The following PHF24 variants were observed in gnomAD, a reference collection of about 807,000 sequenced individuals.
The protein encoded by PHF24 is Galpha inhibitory interacting protein.
A neutral mutation model predicts 42.6 loss-of-function variants in PHF24; 25 were observed. That is an observed-to-expected ratio of 0.59 (90% confidence interval 0.43 to 0.82). The LOEUF (loss-of-function observed/expected upper bound fraction) is 0.82, where lower values mean the gene tolerates loss of function less well. Ranked by LOEUF, PHF24 falls within the 40% of genes least tolerant of loss-of-function variation. The pLI is 0.00. For missense variants in PHF24, 470 were observed against 538.1 expected (o/e 0.87, Z 1.25); for synonymous variants, 185 against 204.8 (o/e 0.90, Z 0.83).
the PHF24 span, chr9:34,729,611 G>T: frequency 9.2e-5 from 54 of 584,442 alleles, no homozygotes; most frequent in Middle Eastern, 4.6e-3. Context: ...AAGCTCATGT[G>T]GTGATTCAGT....
At chr9:34,856,127 A>G in the PHF24 span, among the ~76,000 whole-genome samples, 3 of 152,190 alleles carry the variant, frequency 2.0e-5, no homozygotes, top group Admixed American at 6.5e-5. Flanking sequence ...CTATCAGGTC[A>G]GCTATGTTTC....
chr9:34,728,706 C>T, the PHF24 span: 46 of 1,512,718 alleles, frequency 3.0e-5, no homozygotes, highest in Non-Finnish European at 3.9e-5. Context: ...TTTTCTTTCT[C>T]ATGTCCAAAA....
the PHF24 span, among the ~76,000 whole-genome samples, chr9:34,897,558 A>AACTT: frequency 2.0e-5 from 3 of 152,252 alleles, no homozygotes; most frequent in Admixed American, 1.3e-4. Context: ...ATCTTACCAC[A>AACTT]ACTTAAAAAC....
the PHF24 span, chr9:34,922,049 G>A: frequency 2.5e-6 from 2 of 803,064 alleles, no homozygotes; most frequent in African/African-American, 3.4e-5. Flanking sequence ...AAAACCACGT[G>A]GGAAATATAG....
At chr9:34,956,163 G>A (rs552463334), upstream of PHF24, among the ~76,000 whole-genome samples, 6 of 152,100 alleles carry the variant, frequency 3.9e-5, no homozygotes, top group Non-Finnish European at 8.8e-5. Flanking sequence ...TGTCCTCTAT[G>A]AGATTATAGT....
At chr9:34,895,515 A>G in the PHF24 span, 1 of 398,508 alleles carries the variant, frequency 2.5e-6, no homozygotes, top group Non-Finnish European at 4.4e-6. Flanking sequence ...TAACAAGAGA[A>G]AGCTCGGGGA....
intron 2 of PHF24, among the ~76,000 whole-genome samples, 199 bp downstream of exon 2, chr9:34,971,875 A>C (rs1289416463): frequency 6.6e-6 from 1 of 152,190 alleles, no homozygotes; most frequent in African/African-American, 2.4e-5. Flanking sequence ...GCAATGGATG[A>C]TAAAGAATGA....
chr9:34,684,167 AG>A, the PHF24 span, among the ~76,000 whole-genome samples: 1 of 152,026 alleles, frequency 6.6e-6, no homozygotes, highest in Non-Finnish European at 1.5e-5. Context: ...TTTGGAGGAG[AG>A]GGGGAAGCTT....
chr9:34,698,340 G>A, the PHF24 span, among the ~76,000 whole-genome samples: 302 of 152,206 alleles, frequency 2.0e-3, 1 homozygote, highest in African/African-American at 6.4e-3. Context: ...GGGACAAGCT[G>A]AAAAATAGTC....
chr9:34,713,622 T>G, the PHF24 span, among the ~76,000 whole-genome samples: 1 of 150,246 alleles, frequency 6.7e-6, no homozygotes, highest in Non-Finnish European at 1.5e-5. Context: ...AACTTCTTAC[T>G]CTGCCATTTT....
At chr9:34,741,424 A>C in the PHF24 span, among the ~76,000 whole-genome samples, 2 of 150,100 alleles carry the variant, frequency 1.3e-5, no homozygotes, top group Non-Finnish European at 3.0e-5. Context: ...GTGCAATGCT[A>C]TGATCTTGGC....
intron 7 of PHF24, 140 bp from the exon 8 acceptor site, chr9:34,977,875 G>A (rs961996134): frequency 1.9e-5 from 15 of 788,022 alleles, no homozygotes; most frequent in African/African-American, 1.0e-4. Context: ...CCTGAGTTTT[G>A]TGTAGCTCAA....
the PHF24 span, chr9:34,918,161 C>T: frequency 1.7e-5 from 25 of 1,491,512 alleles, 1 homozygote; most frequent in South Asian, 1.4e-4. Context: ...CCTGGACTGT[C>T]GGCCAGGAGA....
chr9:34,680,739 A>T, the PHF24 span, among the ~76,000 whole-genome samples: 1 of 151,948 alleles, frequency 6.6e-6, no homozygotes, highest in African/African-American at 2.4e-5. Flanking sequence ...TAAGAAAACC[A>T]ATACAAGAAG....
the PHF24 span, among the ~76,000 whole-genome samples, chr9:34,865,241 A>G: frequency 6.6e-6 from 1 of 151,024 alleles, no homozygotes; most frequent in Non-Finnish European, 1.5e-5. Flanking sequence ...TTATCAGCTT[A>G]AAATGATGAA....
the PHF24 span, among the ~76,000 whole-genome samples, chr9:34,851,136 A>G: frequency 5.3e-5 from 8 of 152,016 alleles, no homozygotes; most frequent in Non-Finnish European, 1.0e-4. Flanking sequence ...CAAAGCTGTC[A>G]GACAAGGACA....
At chr9:34,893,864 C>T in the PHF24 span, among the ~76,000 whole-genome samples, 681 of 152,220 alleles carry the variant, frequency 4.5e-3, 2 homozygotes, top group Non-Finnish European at 6.4e-3. Flanking sequence ...ACCCAAAGCC[C>T]GGTATTTGGG....
At chr9:34,790,947 A>T in the PHF24 span, among the ~76,000 whole-genome samples, 1 of 152,122 alleles carries the variant, frequency 6.6e-6, no homozygotes, top group Non-Finnish European at 1.5e-5. Context: ...AGAAAGGAGA[A>T]AGCTGTAGGA....
the PHF24 span, among the ~76,000 whole-genome samples, chr9:34,691,450 C>G: frequency 6.6e-6 from 1 of 152,134 alleles, no homozygotes; most frequent in African/African-American, 2.4e-5. Context: ...TCCTTGGCTC[C>G]TGCTCTGAGA....
Sources: allele counts gnomAD v4.1 joint callset (sites outside exome capture counted in the v4.1 genomes callset), GRCh38; gene constraint gnomAD v4.1.1; transcripts MANE v1.5; gene names NCBI Gene and HGNC (gene_info 2026-07-23, HGNC 2026-07-21).